NHS: variants seen among roughly 807,000 people sequenced by gnomAD.
NHS encodes NHS actin remodeling regulator, also known as actin remodeling regulator NHS.
A neutral mutation model predicts 72.5 loss-of-function variants in NHS; 5 were observed. The observed-to-expected ratio is 0.07, with a 90% CI of 0.04 to 0.14. The LOEUF (loss-of-function observed/expected upper bound fraction) is 0.14, where lower values mean the gene tolerates loss of function less well. Among genes scored for constraint, NHS ranks in the 10% least tolerant of loss-of-function variants. The pLI is 1.00. For missense variants in NHS, 1,072 were observed against 1,355.7 expected, an observed-to-expected ratio of 0.79 and a Z score of 3.29; for synonymous variants, 464 against 547.7, an observed-to-expected ratio of 0.85 and a Z score of 2.13.
At chrX:17,619,360 A>G (rs1458756510) in intron 1 of NHS, among the ~76,000 whole-genome samples, 1 of 111,350 alleles carries the variant, frequency 9.0e-6, no homozygotes, top group Non-Finnish European at 1.9e-5. Flanking sequence ...CAGAAGCAGG[A>G]AACTGACCTC....
At chrX:17,591,931 C>T (rs1270250684) in intron 1 of NHS, among the ~76,000 whole-genome samples, 1 of 111,535 alleles carries the variant, frequency 9.0e-6, no homozygotes, top group African/African-American at 3.3e-5. Flanking sequence ...TTCTGACTCT[C>T]GTGGTTCCTG....
At chrX:17,720,901 A>T (rs781157381) in intron 4 of NHS, among the ~76,000 whole-genome samples, 4 of 112,187 alleles carry the variant, frequency 3.6e-5, no homozygotes, top group Non-Finnish European at 7.5e-5. Flanking sequence ...AAATGTTATT[A>T]AAAAATGCCG....
chrX:17,514,794 T>C (rs1363633711), intron 1 of NHS, among the ~76,000 whole-genome samples: 1 of 111,885 alleles, frequency 8.9e-6, no homozygotes, highest in East Asian at 2.8e-4. Context: ...CCCTGAGAGA[T>C]TTCTCCAAGG....
rs148056724 is a variant in NHS, at chrX:17,475,887, G to A, written c.565+99565G>A. Among the ~76,000 whole-genome samples the A allele has an allele frequency of 3.3e-3, 370 of 111,391 alleles. 2 individuals carry two copies. Among genetic ancestry groups the A allele is most frequent in the African/African-American group, 0.011 (352 of 30,659 alleles). The stretch of plus-strand genomic sequence containing the variant: ...CCTTGCTCTTTGCCTCTCATTTCAC[G>A]CTGCCTCTGAGAGAGAAATCTCATT... On this transcript the variant is annotated intron_variant, in intron 1 of 8. Transcript: ENST00000676302.
At chrX:17,609,220 C>T (rs2065696800) in intron 1 of NHS, among the ~76,000 whole-genome samples, 1 of 111,978 alleles carries the variant, frequency 8.9e-6, no homozygotes, top group Non-Finnish European at 1.9e-5. Flanking sequence ...AAATAATTAC[C>T]TTATGGAAAA....
intron 1 of NHS, among the ~76,000 whole-genome samples, chrX:17,429,224 A>ATGTGTGTGTG (rs10616889): frequency 2.1e-4 from 20 of 96,848 alleles, no homozygotes; most frequent in African/African-American, 7.6e-4. Flanking sequence ...GTACTGGGGG[A>ATGTGTGTGTG]TGTGTGTGTG....
Position 17,732,492 on chromosome X carries a change from G to A in NHS, c.*28G>A. The A allele has an allele frequency of 8.2e-7, 1 of 1,212,368 alleles. No homozygotes were observed. The highest frequency in any genetic ancestry group is 3.0e-5 in the East Asian group (1 of 33,854). ...TGCCTGTACCAGGCTGCCTGGCAAAGGCCAAAACCCTTACTCACATGAGGA... is the reference window on the plus strand; with the variant it reads ...TGCCTGTACCAGGCTGCCTGGCAAAAGCCAAAACCCTTACTCACATGAGGA... On this transcript the variant is annotated 3_prime_UTR_variant, in exon 9 of 9. Transcript: ENST00000676302.
intron 1 of NHS, among the ~76,000 whole-genome samples, chrX:17,640,356 C>CTA (rs1011845313): frequency 8.9e-6 from 1 of 111,738 alleles, no homozygotes; most frequent in Non-Finnish European, 1.9e-5. Flanking sequence ...TTGCATGTGG[C>CTA]TATAACTCAT....
intron 1 of NHS, among the ~76,000 whole-genome samples, chrX:17,386,222 G>T (rs144241188): frequency 2.7e-5 from 3 of 111,817 alleles, no homozygotes; most frequent in Non-Finnish European, 5.6e-5. Flanking sequence ...CACTGTTATG[G>T]CACTGTCTAA....
At chrX:17,390,420 G>A (rs749170616) in intron 1 of NHS, among the ~76,000 whole-genome samples, 3 of 107,263 alleles carry the variant, frequency 2.8e-5, no homozygotes, top group Non-Finnish European at 3.8e-5. Context: ...ACAAGATGGC[G>A]CATGTTTATT....
At chrX:17,645,264 C>T (rs1396739633) in intron 1 of NHS, among the ~76,000 whole-genome samples, 1 of 111,433 alleles carries the variant, frequency 9.0e-6, no homozygotes, top group Admixed American at 9.5e-5. Context: ...TATTATTTTC[C>T]ACTCTTCATT....
chrX:17,666,973 G>A (rs747995698), intron 1 of NHS, among the ~76,000 whole-genome samples: 57 of 112,206 alleles, frequency 5.1e-4, no homozygotes, highest in African/African-American at 1.8e-3. Flanking sequence ...GGGAAATATG[G>A]ATGTGGAATG....
chrX:17,581,293 C>T (rs909830594), intron 1 of NHS, among the ~76,000 whole-genome samples: 1 of 111,882 alleles, frequency 8.9e-6, no homozygotes, highest in Non-Finnish European at 1.9e-5. Context: ...TGGGCCACGT[C>T]TATGACTGGG....
intron 1 of NHS, among the ~76,000 whole-genome samples, chrX:17,426,397 A>G (rs1221810013): frequency 2.7e-5 from 3 of 111,227 alleles, no homozygotes; most frequent in Non-Finnish European, 5.7e-5. Context: ...TTGTTCTCTC[A>G]TCTATTAAAC....
Position 17,508,009 on chromosome X carries a change from T to C in NHS, c.565+131687T>C, listed in dbSNP as rs2065067608. 2.7e-5 allele frequency among the ~76,000 whole-genome samples: 3 copies of C among 111,659 alleles called. 1 individual carries two copies. The South Asian group carries it at 1.1e-3, about 42-fold the overall frequency. Reference sequence around the variant, plus strand: ...CATAGTAAGCCTGAGGTTGTTATTGTTATTATTATTATTTTGGAATTGTAT... The same window carrying C: ...CATAGTAAGCCTGAGGTTGTTATTGCTATTATTATTATTTTGGAATTGTAT... On this transcript the variant is annotated intron_variant, in intron 1 of 8. Transcript: ENST00000676302.
chrX:17,485,313 TAAG>T (rs1410702741), intron 1 of NHS, among the ~76,000 whole-genome samples: 1 of 112,562 alleles, frequency 8.9e-6, no homozygotes, highest in Non-Finnish European at 1.9e-5. Context: ...ATGTTGCACA[TAAG>T]AAAAAAATAT....
At chrX:17,595,701 C>CGGAT (rs1277517336) in intron 1 of NHS, among the ~76,000 whole-genome samples, 1 of 112,096 alleles carries the variant, frequency 8.9e-6, no homozygotes, top group Admixed American at 9.4e-5. Context: ...AAGAAATAAA[C>CGGAT]GGATGTGGGC....
At chrX:17,711,310 G>A (rs1178249499) in intron 3 of NHS, among the ~76,000 whole-genome samples, 1 of 111,310 alleles carries the variant, frequency 9.0e-6, no homozygotes, top group Non-Finnish European at 1.9e-5. Flanking sequence ...ACAGTACAGA[G>A]CAATTCCTGG....
At chrX:17,414,479 G>A (rs1478368882) in intron 1 of NHS, among the ~76,000 whole-genome samples, 1 of 112,067 alleles carries the variant, frequency 8.9e-6, no homozygotes, top group Non-Finnish European at 1.9e-5. Flanking sequence ...GGGCTTTCCA[G>A]GCTTTTATTT....
Sources: gnomAD v4.1 joint callset for allele counts (sites outside exome capture counted in the v4.1 genomes callset) on GRCh38, gnomAD v4.1.1 for gene constraint, MANE v1.5 for transcripts, NCBI Gene and HGNC (gene_info 2026-07-23, HGNC 2026-07-21) for gene names.